The following DNAJC9 variants were observed in gnomAD, a reference collection of about 807,000 sequenced individuals.
DNAJC9 encodes the protein DnaJ heat shock protein family (Hsp40) member C9, also known as dnaJ homolog subfamily C member 9.
Under a neutral mutation model 32.4 loss-of-function variants are expected in DNAJC9, and 18 were observed. The observed-to-expected ratio is 0.56, with a 90% CI of 0.38 to 0.82. The LOEUF is 0.82. DNAJC9 is among the 40% of genes least tolerant of loss of function. DNAJC9 has a pLI of 0.00. For synonymous variants in DNAJC9, 113 were observed against 122.1 expected, an observed-to-expected ratio of 0.93 and a Z score of 0.49; for missense variants, 310 against 321.8, an observed-to-expected ratio of 0.96 and a Z score of 0.28.
chr10:73,241,085 C>A, downstream of DNAJC9: 2 of 886,818 alleles, frequency 2.3e-6, no homozygotes, highest in South Asian at 1.4e-5. Context: ...ATTCAGTCAT[C>A]AAGTGATGCA....
At chr10:73,236,711 CTTTT>C (rs576371533), downstream of DNAJC9, among the ~76,000 whole-genome samples, 306 of 148,956 alleles carry the variant, frequency 2.1e-3, no homozygotes, top group African/African-American at 6.4e-3. Context: ...TGTACCCGGC[CTTTT>C]TTTTCTTTTC....
downstream of DNAJC9, chr10:73,234,895 A>G (rs1289775065): frequency 1.3e-6 from 2 of 1,551,912 alleles, no homozygotes; most frequent in African/African-American, 2.7e-5. Context: ...CTATTGGCAC[A>G]GCTGAAGTGG....
downstream of DNAJC9, chr10:73,239,231 A>G (rs938688367): frequency 1.7e-6 from 2 of 1,187,152 alleles, no homozygotes; most frequent in Non-Finnish European, 2.4e-6. Context: ...GTTGATTTCA[A>G]GGTGTTCCTG....
chr10:73,245,640 A>G (rs1040888103), intron 3 of DNAJC9, among the ~76,000 whole-genome samples: 6 of 152,202 alleles, frequency 3.9e-5, no homozygotes, highest in African/African-American at 1.2e-4. Flanking sequence ...GGAATGCCTC[A>G]GGAATGCTAC....
downstream of DNAJC9, among the ~76,000 whole-genome samples, chr10:73,238,396 C>G (rs548021250): frequency 2.0e-5 from 3 of 152,366 alleles, no homozygotes; most frequent in South Asian, 6.2e-4. Context: ...GCACTACAGA[C>G]TAGCACTTTG....
intron 2 of DNAJC9, chr10:73,233,252 A>G (rs1589193726): frequency 1.1e-6 from 1 of 944,228 alleles, no homozygotes; most frequent in East Asian, 2.6e-5. Flanking sequence ...ACTGAAATCT[A>G]TGCCTAGAAA....
In DNAJC9 at chr10:73,233,143, A is replaced by C. The variant is rs926129957; in HGVS notation, n.147+10700T>G. ...CTGAAACACCAAGATCTGTGGAAGAAATCCTCAGAGGAGCCCGAGTGTAGG... is the reference window on the plus strand; with the variant it reads ...CTGAAACACCAAGATCTGTGGAAGACATCCTCAGAGGAGCCCGAGTGTAGG... On this transcript the variant is annotated intron_variant and non_coding_transcript_variant, in intron 2 of 2. Transcript: ENST00000469143. The C allele has an allele frequency of 1.9e-6, 3 of 1,551,370 alleles. No individual in the cohort carries two copies. The African/African-American group carries it at 4.1e-5, about 21-fold the overall frequency.
chr10:73,246,665 A>G (rs1056412571), intron 2 of DNAJC9, 23 bp downstream of exon 2: 17 of 1,613,608 alleles, frequency 1.1e-5, no homozygotes, highest in Non-Finnish European at 1.3e-5. Flanking sequence ...AACAGTCACA[A>G]AGAAACCTCC....
In DNAJC9 at chr10:73,242,171, T is replaced by C. The variant is rs895586374; in HGVS notation, c.*1229A>G. On this transcript the variant is annotated 3_prime_UTR_variant, in exon 5 of 5. Transcript: ENST00000372950. ...ATATTTTTAATAAAATTAAAATCTATTTTTAACCTATTTGTAGTCACAAAC... is the reference window on the plus strand; with the variant it reads ...ATATTTTTAATAAAATTAAAATCTACTTTTAACCTATTTGTAGTCACAAAC... The C allele has an allele frequency of 6.6e-6, 1 of 152,188 alleles. No individual in the cohort carries two copies. Among genetic ancestry groups the C allele is most frequent in the African/African-American group, 2.4e-5 (1 of 41,444 alleles). The allele number at this position is 152,188 out of a possible 1,614,324, so 9.4% of individuals were successfully genotyped here. A position where few individuals can be genotyped will look rare whatever the true frequency, so the allele number is the denominator to read the frequency against.
At chr10:73,244,146 A>G (rs369240285) in intron 3 of DNAJC9, 2 of 546,240 alleles carry the variant, frequency 3.7e-6, no homozygotes, top group South Asian at 2.3e-5. Context: ...TTTTTACCCA[A>G]TTCTATTTGC....
At chr10:73,235,726 G>T (rs1173410196), downstream of DNAJC9, among the ~76,000 whole-genome samples, 1 of 152,098 alleles carries the variant, frequency 6.6e-6, no homozygotes, top group African/African-American at 2.4e-5. Context: ...TCAGAAGCAG[G>T]CTCTTGCCAT....
chr10:73,236,704 A>G (rs1589196725), downstream of DNAJC9, among the ~76,000 whole-genome samples: 1 of 139,212 alleles, frequency 7.2e-6, no homozygotes, highest in South Asian at 2.3e-4. Context: ...GAGCCACTGT[A>G]CCCGGCCTTT....
In DNAJC9 at chr10:73,243,279, T is replaced by C; in HGVS notation, c.*121A>G. 8.9e-7 allele frequency: 1 copy of C among 1,122,388 alleles called. No homozygotes were observed. The highest frequency in any genetic ancestry group is 1.5e-5 in the South Asian group (1 of 67,546). 69.5% of individuals were successfully genotyped at this position (1,122,388 alleles called of 1,614,324 possible). On this transcript the variant is annotated 3_prime_UTR_variant, in exon 5 of 5. Coordinates refer to ENST00000372950, the MANE Select transcript of DNAJC9 (RefSeq NM_015190.5). ...TGCTTGGTCTAGTCAATCTGAAAAATTCAGGCTGGAAAGACACCTTTTCTC... is the reference window on the plus strand; with the variant it reads ...TGCTTGGTCTAGTCAATCTGAAAAACTCAGGCTGGAAAGACACCTTTTCTC...
At position 73,243,364 on chromosome 10, in the gene DNAJC9, A is replaced by G. The variant is rs759232312; in HGVS notation, c.*36T>C. ...CTGCACCTTGCCTACGATGGCATCA[A>G]TTTACACCTAAGGACCTTTGAAGAG... is the stretch of plus-strand genomic sequence containing the variant. On this transcript the variant is annotated 3_prime_UTR_variant, in exon 5 of 5. Coordinates refer to ENST00000372950, the MANE Select transcript of DNAJC9 (RefSeq NM_015190.5). 4.3e-6 allele frequency: 7 copies of G among 1,610,214 alleles called. No individual in the cohort carries two copies. Among genetic ancestry groups the G allele is most frequent in the Non-Finnish European group, 5.9e-6 (7 of 1,179,364 alleles).
chr10:73,232,776 T>C (rs1399577178), intron 2 of DNAJC9, among the ~76,000 whole-genome samples: 2 of 152,236 alleles, frequency 1.3e-5, no homozygotes, highest in Non-Finnish European at 2.9e-5. Context: ...ATGCCTGAGC[T>C]AGAGTACCAT....
chr10:73,243,920 C>G lies in DNAJC9; in HGVS notation c.586G>C (p.Glu196Gln), dbSNP rs1004639886. 1 of 1,613,972 alleles carries G rather than the reference C, an allele frequency of 6.2e-7. No homozygotes were observed. Among genetic ancestry groups the G allele is most frequent in the African/African-American group, 1.3e-5 (1 of 74,914 alleles). ...MNARKRRAQE[E>Q]AKEAEMSRKE... ...CTGCTCATTTCTGCTTCTTTGGCCTCTTCCTGAGCCTGAAACAGGAACTCA... is the reference window on the plus strand; with the variant it reads ...CTGCTCATTTCTGCTTCTTTGGCCTGTTCCTGAGCCTGAAACAGGAACTCA... Residue 196 changes from glutamate (E) to glutamine (Q), a missense_variant, in exon 4 of 5, where the codon GAG (glutamate) becomes CAG (glutamine). Coordinates refer to ENST00000372950, the MANE Select transcript of DNAJC9 (RefSeq NM_015190.5).
chr10:73,235,334 T>G (rs1564717200), downstream of DNAJC9: 1 of 1,551,420 alleles, frequency 6.4e-7, no homozygotes, highest in East Asian at 2.4e-5. Flanking sequence ...GTGACGTACT[T>G]CCTAGAATGG....
downstream of DNAJC9, chr10:73,235,002 T>C: frequency 6.5e-7 from 1 of 1,529,684 alleles, no homozygotes; most frequent in Non-Finnish European, 8.8e-7. Flanking sequence ...GCAGTAATTC[T>C]GCAGGATCTG....
chr10:73,232,714 G>A (rs1447769048), intron 2 of DNAJC9, among the ~76,000 whole-genome samples: 1 of 152,192 alleles, frequency 6.6e-6, no homozygotes, highest in Non-Finnish European at 1.5e-5. Context: ...GTCCATTCTA[G>A]TAAATTATGT....
Sources: gnomAD v4.1 joint callset for allele counts (sites outside exome capture counted in the v4.1 genomes callset) on GRCh38, gnomAD v4.1.1 for gene constraint, MANE v1.5 for transcripts, NCBI Gene and HGNC (gene_info 2026-07-23, HGNC 2026-07-21) for gene names.